The following CHKA variants were observed in gnomAD, a reference collection of about 807,000 sequenced individuals.
The protein encoded by CHKA is choline kinase alpha, also known as CHETK-alpha.
A neutral mutation model predicts 60.1 loss-of-function variants in CHKA; 34 were observed. That is an observed-to-expected ratio of 0.57 (90% CI 0.43 to 0.75). The LOEUF (loss-of-function observed/expected upper bound fraction) is 0.75, where lower values mean the gene tolerates loss of function less well. Ranked by LOEUF, CHKA falls within the 30% of genes least tolerant of loss-of-function variation. CHKA has a pLI of 0.00. For synonymous variants in CHKA, 217 were observed against 223.1 expected, an observed-to-expected ratio of 0.97 and a Z score of 0.24; for missense variants, 563 against 561.3, an observed-to-expected ratio of 1.00 and a Z score of -0.03.
At chr11:68,056,223 C>T (rs1856010077) in intron 11 of CHKA, among the ~76,000 whole-genome samples, 1 of 152,032 alleles carries the variant, frequency 6.6e-6, no homozygotes, top group Non-Finnish European at 1.5e-5. Context: ...TGATAAAGTC[C>T]AACTGTGATG....
intron 9 of CHKA, among the ~76,000 whole-genome samples, chr11:68,064,945 C>T (rs1196106001): frequency 6.6e-6 from 1 of 152,170 alleles, no homozygotes; most frequent in Non-Finnish European, 1.5e-5. Context: ...CCCTCCCAAT[C>T]CTACTCAGCT....
At position 68,064,639 on chromosome 11, in the gene CHKA, A is replaced by G. The variant is rs756383580; in HGVS notation, c.1126-8T>C. ...ACTGGAAATAAAATGGAGCTTAAAA[A>G]AAAGTAATTGTGTTAGGATCAATGA... is the stretch of plus-strand genomic sequence containing the variant. On this transcript the variant is annotated splice_polypyrimidine_tract_variant and splice_region_variant and intron_variant, in intron 9 of 11. Transcript: ENST00000265689. The G allele has an allele frequency of 1.3e-6, 2 of 1,518,548 alleles. No homozygotes were observed. Among genetic ancestry groups the G allele is most frequent in the South Asian group, 1.2e-5 (1 of 82,970 alleles). The allele number at this position is 1,518,548 out of a possible 1,614,324, so 94.1% of individuals were successfully genotyped here.
intron 11 of CHKA, among the ~76,000 whole-genome samples, chr11:68,057,901 TTTG>T (rs1440179279): frequency 6.6e-6 from 1 of 152,166 alleles, no homozygotes; most frequent in Non-Finnish European, 1.5e-5. Flanking sequence ...TGTTTTTTGT[TTTG>T]TTTTGTTTTT....
intron 1 of CHKA, among the ~76,000 whole-genome samples, chr11:68,110,937 G>A (rs1314084946): frequency 6.6e-6 from 1 of 151,392 alleles, no homozygotes; most frequent in Non-Finnish European, 1.5e-5. Flanking sequence ...GGCGGAGGTT[G>A]CAGTGAGCTG....
At chr11:68,104,120 GTATA>G (rs1555013268) in intron 1 of CHKA, among the ~76,000 whole-genome samples, 9 of 152,044 alleles carry the variant, frequency 5.9e-5, no homozygotes, top group Non-Finnish European at 1.2e-4. Context: ...AGAAAATGTG[GTATA>G]TATACACAGT....
intron 2 of CHKA, among the ~76,000 whole-genome samples, chr11:68,089,143 C>G (rs1269049751): frequency 6.6e-6 from 1 of 152,178 alleles, no homozygotes; most frequent in Non-Finnish European, 1.5e-5. Flanking sequence ...CACAAGCCAG[C>G]AGAAAGACAG....
chr11:68,060,030 C>T (rs1565171568), intron 11 of CHKA, among the ~76,000 whole-genome samples: 1 of 104,846 alleles, frequency 9.5e-6, no homozygotes, highest in Non-Finnish European at 2.1e-5. Context: ...TAGAGTTTCA[C>T]TCTTTTTTTT....
chr11:68,120,783 G>T, intron 1 of CHKA, 45 bp downstream of exon 1: 2 of 586,186 alleles, frequency 3.4e-6, no homozygotes, highest in Non-Finnish European at 4.4e-6. Context: ...GCCCCGCCCC[G>T]CGTCACCTGA....
chr11:68,119,284 A>C (rs186801800), intron 1 of CHKA, among the ~76,000 whole-genome samples: 50 of 152,292 alleles, frequency 3.3e-4, no homozygotes, highest in Admixed American at 2.0e-3. Context: ...ACAAAGAGGA[A>C]GTGAAGCTCA....
At chr11:68,110,745 C>T (rs552414657) in intron 1 of CHKA, among the ~76,000 whole-genome samples, 192 of 152,238 alleles carry the variant, frequency 1.3e-3, no homozygotes, top group African/African-American at 4.3e-3. Flanking sequence ...TGCTTGTAAT[C>T]CCAGCAATTT....
intron 3 of CHKA, among the ~76,000 whole-genome samples, chr11:68,078,342 C>A (rs1360361759): frequency 6.6e-6 from 1 of 152,148 alleles, no homozygotes; most frequent in Non-Finnish European, 1.5e-5. Flanking sequence ...GGGGCCAGGG[C>A]AGAAGGCAAG....
At chr11:68,056,768 G>T (rs931756868) in intron 11 of CHKA, among the ~76,000 whole-genome samples, 1 of 152,054 alleles carries the variant, frequency 6.6e-6, no homozygotes, top group Non-Finnish European at 1.5e-5. Context: ...CCAGCTACTT[G>T]GAAGGTTGAG....
chr11:68,119,039 T>A (rs1461170929), intron 1 of CHKA, among the ~76,000 whole-genome samples: 1 of 152,210 alleles, frequency 6.6e-6, no homozygotes, highest in Non-Finnish European at 1.5e-5. Flanking sequence ...CTTTAGGTTT[T>A]CCATTTCACA....
At chr11:68,113,922 C>T (rs867005079) in intron 1 of CHKA, among the ~76,000 whole-genome samples, 35 of 151,768 alleles carry the variant, frequency 2.3e-4, no homozygotes, top group South Asian at 1.0e-3. Flanking sequence ...ACCCAGGAAG[C>T]GGAGGTTGCA....
rs1856214259 is a variant in CHKA, at chr11:68,060,965, C to A, written c.1314+988G>T. 1.3e-5 allele frequency among the ~76,000 whole-genome samples: 2 copies of A among 152,162 alleles called. 1 individual carries two copies. Among genetic ancestry groups the A allele is most frequent in the South Asian group, 4.1e-4 (2 of 4,830 alleles). On this transcript the variant is annotated intron_variant, in intron 11 of 11. Coordinates refer to ENST00000265689, the MANE Select transcript of CHKA (RefSeq NM_001277.3). ...GTCCCATCCCTGTCCCAAAGGAAGG[C>A]AGCTCACCAGACTGTGGACATTTGT...
chr11:68,120,177 C>T (rs1249031773), intron 1 of CHKA, among the ~76,000 whole-genome samples: 1 of 150,428 alleles, frequency 6.6e-6, no homozygotes, highest in Non-Finnish European at 1.5e-5. Context: ...TGCAGTGAGC[C>T]GAGGTCGCGC....
intron 3 of CHKA, among the ~76,000 whole-genome samples, chr11:68,075,521 T>A (rs892281265): frequency 2.6e-5 from 4 of 152,166 alleles, no homozygotes; most frequent in African/African-American, 9.7e-5. Flanking sequence ...AATCCATGCT[T>A]TGATCTCAAA....
rs537431006 is a variant in CHKA, at chr11:68,074,006, T to G, written c.630+711A>C. On this transcript the variant is annotated intron_variant, in intron 4 of 11. Coordinates refer to ENST00000265689, the MANE Select transcript of CHKA (RefSeq NM_001277.3). ...AGGGCTCAGAGCCACACTTCAACAC[T>G]TAGGGTTCATGAGAACCTCTGGGCA... Among the ~76,000 whole-genome samples, 51 of 152,244 alleles carry G rather than the reference T, an allele frequency of 3.3e-4. No individual in the cohort carries two copies. In the South Asian group the frequency reaches 7.7e-3, roughly 23 times the overall value.
chr11:68,109,934 A>G (rs1300462885), intron 1 of CHKA, among the ~76,000 whole-genome samples: 1 of 152,240 alleles, frequency 6.6e-6, no homozygotes, highest in Non-Finnish European at 1.5e-5. Flanking sequence ...TGTGGGTGAC[A>G]GAGCGAGACT....
Sources: gnomAD v4.1 joint callset for allele counts (sites outside exome capture counted in the v4.1 genomes callset) on GRCh38, gnomAD v4.1.1 for gene constraint, MANE v1.5 for transcripts, NCBI Gene and HGNC (gene_info 2026-07-23, HGNC 2026-07-21) for gene names.